Variants in ENOX1 observed in about 807,000 individuals in gnomAD.
The protein encoded by ENOX1 is candidate growth-related and time keeping constitutive hydroquinone (NADH) oxidase.
Under a neutral mutation model 82.5 loss-of-function variants are expected in ENOX1, and 42 were observed. The ratio of observed to expected loss-of-function variants is 0.51; its 90% CI spans 0.40 to 0.66. The LOEUF (loss-of-function observed/expected upper bound fraction) is 0.66. Among genes scored for constraint, ENOX1 ranks in the 30% least tolerant of loss-of-function variants. The probability of loss-of-function intolerance (pLI) is 0.00; values close to 1 mark genes in which losing one functional copy is unlikely to be tolerated. For missense variants in ENOX1, 608 were observed against 811.6 expected, an observed-to-expected ratio of 0.75 and a Z score of 3.05; for synonymous variants, 271 against 282.2, an observed-to-expected ratio of 0.96 and a Z score of 0.40.
intron 2 of ENOX1, among the ~76,000 whole-genome samples, chr13:43,510,414 T>G (rs2077324046): frequency 1.3e-5 from 2 of 152,140 alleles, no homozygotes; most frequent in Non-Finnish European, 2.9e-5. Flanking sequence ...GTCTGACATA[T>G]AATAGGTATT....
In ENOX1 at chr13:43,344,518, GC is replaced by G; in HGVS notation, c.1036+19del. 1 of 1,584,294 alleles carries G rather than the reference GC, an allele frequency of 6.3e-7. No individual in the cohort carries two copies. Among genetic ancestry groups the G allele is most frequent in the South Asian group, 1.1e-5 (1 of 88,282 alleles). ...AGGCAAAATCACAACAAAAGAGATG[GC>G]CCCCAAAATTTTACTTACATTGAGT... On this transcript the variant is annotated intron_variant, in intron 9 of 16. Coordinates refer to ENST00000690772, the MANE Select transcript of ENOX1 (RefSeq NM_001347969.2).
At chr13:43,474,047 T>G (rs1445138456) in intron 3 of ENOX1, among the ~76,000 whole-genome samples, 1 of 152,170 alleles carries the variant, frequency 6.6e-6, no homozygotes, top group Non-Finnish European at 1.5e-5. Context: ...TATATTCAAA[T>G]TAAGTTTACC....
At chr13:43,308,817 C>T (rs367649549) in intron 11 of ENOX1, among the ~76,000 whole-genome samples, 22 of 152,348 alleles carry the variant, frequency 1.4e-4, no homozygotes, top group African/African-American at 5.1e-4. Context: ...ATCAACTCTC[C>T]ACATTGCCAC....
rs182274920 is a variant in ENOX1 at position 43,779,312 on chromosome 13, A to G, written c.-285+7340T>C. On this transcript the variant is annotated intron_variant, in intron 1 of 16. Coordinates refer to ENST00000690772, the MANE Select transcript of ENOX1 (RefSeq NM_001347969.2). ...CTAGGAAGTACTGGTAGAGGAATGG[A>G]GAAGGGAGACAGCCACTTTTAAAGC... Among the ~76,000 whole-genome samples, 247 of 152,060 alleles carry G rather than the reference A, an allele frequency of 1.6e-3. 1 individual carries two copies. In the Middle Eastern group the frequency reaches 0.017, roughly 10 times the overall value.
chr13:43,275,135 A>T (rs889784480), intron 12 of ENOX1, among the ~76,000 whole-genome samples: 4 of 152,198 alleles, frequency 2.6e-5, no homozygotes, highest in Non-Finnish European at 5.9e-5. Flanking sequence ...TCCTCCTAGC[A>T]ACGACTTCTA....
intron 2 of ENOX1, among the ~76,000 whole-genome samples, chr13:43,525,085 T>A (rs2077930680): frequency 6.6e-6 from 1 of 152,192 alleles, no homozygotes; most frequent in South Asian, 2.1e-4. Flanking sequence ...TGTATATTTT[T>A]AAATTTTTTA....
At chr13:43,712,489 T>A (rs2087796282) in intron 1 of ENOX1, among the ~76,000 whole-genome samples, 3 of 151,970 alleles carry the variant, frequency 2.0e-5, no homozygotes, top group Admixed American at 1.3e-4. Flanking sequence ...TGGCATTGAA[T>A]CTATAAATTA....
intron 1 of ENOX1, among the ~76,000 whole-genome samples, chr13:43,740,857 T>C (rs1309344924): frequency 1.3e-5 from 2 of 152,258 alleles, no homozygotes; most frequent in Non-Finnish European, 2.9e-5. Flanking sequence ...TTCCATTGTC[T>C]AGCTATATCA....
intron 2 of ENOX1, among the ~76,000 whole-genome samples, chr13:43,573,485 G>A (rs1015231029): frequency 6.6e-5 from 10 of 152,080 alleles, no homozygotes; most frequent in South Asian, 2.1e-4. Context: ...ACTACCATAC[G>A]TGCATTCTTT....
intron 2 of ENOX1, among the ~76,000 whole-genome samples, chr13:43,634,967 G>T (rs571378459): frequency 6.4e-4 from 97 of 152,262 alleles, no homozygotes; most frequent in African/African-American, 2.2e-3. Context: ...GCTCTCCAGG[G>T]TATTAATTCC....
At chr13:43,482,212 C>T (rs1004714742) in intron 3 of ENOX1, among the ~76,000 whole-genome samples, 1 of 152,128 alleles carries the variant, frequency 6.6e-6, no homozygotes, top group African/African-American at 2.4e-5. Context: ...CAGCATTATT[C>T]GCAATAGCTA....
chr13:43,273,011 C>T (rs978603020), intron 12 of ENOX1, among the ~76,000 whole-genome samples: 13 of 152,188 alleles, frequency 8.5e-5, no homozygotes, highest in Non-Finnish European at 1.8e-4. Flanking sequence ...CCTATTCACG[C>T]CCATGGCTTT....
chr13:43,770,933 C>T (rs894879344), intron 1 of ENOX1, among the ~76,000 whole-genome samples: 4 of 151,948 alleles, frequency 2.6e-5, no homozygotes, highest in African/African-American at 9.7e-5. Flanking sequence ...GCTTCATATC[C>T]CTCTCCAAAC....
intron 5 of ENOX1, among the ~76,000 whole-genome samples, chr13:43,368,995 T>TA (rs1175118056): frequency 1.3e-5 from 2 of 152,128 alleles, no homozygotes; most frequent in African/African-American, 4.8e-5. Flanking sequence ...ATGCCTCTAG[T>TA]GACACTGCAC....
intron 2 of ENOX1, among the ~76,000 whole-genome samples, chr13:43,659,039 A>G (rs143308973): frequency 6.6e-6 from 1 of 151,916 alleles, no homozygotes; most frequent in Non-Finnish European, 1.5e-5. Flanking sequence ...TAAGCTTCTT[A>G]TTTTTTCTAC....
At chr13:43,624,394 G>A (rs1325014312) in intron 2 of ENOX1, among the ~76,000 whole-genome samples, 1 of 151,944 alleles carries the variant, frequency 6.6e-6, no homozygotes, top group African/African-American at 2.4e-5. Context: ...TACTCACCAA[G>A]GTCTTTTGCA....
chr13:43,241,561 C>T (rs28656990), intron 14 of ENOX1, among the ~76,000 whole-genome samples: 1 of 152,038 alleles, frequency 6.6e-6, no homozygotes, highest in South Asian at 2.1e-4. Flanking sequence ...GGGAAGAACA[C>T]AGTAAAAGCA....
At chr13:43,336,446 T>G (rs1026695340) in intron 9 of ENOX1, among the ~76,000 whole-genome samples, 29 of 152,256 alleles carry the variant, frequency 1.9e-4, no homozygotes, top group African/African-American at 6.5e-4. Context: ...AGTGGAGAAC[T>G]GTCAGTGCCC....
chr13:43,539,910 G>C (rs893343056), intron 2 of ENOX1, among the ~76,000 whole-genome samples: 3 of 151,894 alleles, frequency 2.0e-5, no homozygotes, highest in African/African-American at 7.3e-5. Flanking sequence ...TATCCTCTTT[G>C]TATCTAGTAA....
Sources: allele counts gnomAD v4.1 joint callset (sites outside exome capture counted in the v4.1 genomes callset), GRCh38; gene constraint gnomAD v4.1.1; transcripts MANE v1.5; gene names NCBI Gene and HGNC (gene_info 2026-07-23, HGNC 2026-07-21).